Variants in SLC4A2 observed in about 807,000 individuals in gnomAD.
The protein encoded by SLC4A2 is solute carrier family 4 member 2, also known as anion exchange protein 2.
Under a neutral mutation model 115.0 loss-of-function variants are expected in SLC4A2, and 36 were observed. The observed-to-expected ratio is 0.31, with a 90% CI of 0.24 to 0.41. SLC4A2 has a LOEUF of 0.41. Ranked by LOEUF, SLC4A2 falls within the 10% of genes least tolerant of loss-of-function variation. SLC4A2 has a pLI of 1.00. For missense variants in SLC4A2, 1,252 were observed against 1,705.6 expected (o/e 0.73, Z 4.68); for synonymous variants, 708 against 708.3 (o/e 1.00, Z 0.01).
chr7:151,076,432 C>A lies in SLC4A2; in HGVS notation c.*65C>A. ...GACAGGCTGGTGGGATGGGGTTCCC[C>A]CTCCCATGCCCCTCCCTCCTTTTTA... On this transcript the variant is annotated 3_prime_UTR_variant, in exon 23 of 23. Transcript: ENST00000413384. 1.7e-6 allele frequency: 2 copies of A among 1,209,112 alleles called. No homozygotes were observed. Among genetic ancestry groups the A allele is most frequent in the South Asian group, 1.7e-5 (1 of 57,932 alleles). The allele number at this position is 1,209,112 out of a possible 1,614,324, so 74.9% of individuals were successfully genotyped here.
At position 151,075,620 on chromosome 7, in the gene SLC4A2, A is replaced by C. The variant is rs1212713488; in HGVS notation, c.3316A>C (p.Ile1106Leu). 2 of 1,594,338 alleles carry C rather than the reference A, an allele frequency of 1.3e-6. No homozygotes were observed. The highest frequency in any genetic ancestry group is 1.7e-5 in the Admixed American group (1 of 58,636). Residue 1106 changes from isoleucine (I) to leucine (L), a missense_variant, in exon 21 of 23, where the codon ATC (isoleucine) becomes CTC (leucine). By Grantham distance (5) the Ile-to-Leu change is conservative. This residue lies in a region of SLC4A2 where 253 missense variants were observed against 407.4 expected (regional missense o/e 0.62). Transcript: ENST00000413384. ...VALLVGLSIV[I>L]GDLLRQIPLA... Reference sequence around the variant, plus strand: ...GCCTCCCGTAGGCCTCTCCATAGTTATCGGGGATCTGCTCCGGCAGATCCC... The same window carrying C: ...GCCTCCCGTAGGCCTCTCCATAGTTCTCGGGGATCTGCTCCGGCAGATCCC...
intron 17 of SLC4A2, 50 bp downstream of exon 17, chr7:151,074,343 G>A (rs1261019824): frequency 1.2e-6 from 2 of 1,610,694 alleles, no homozygotes; most frequent in Admixed American, 1.7e-5. Context: ...AAGGGGGGTG[G>A]CAGGAAGTCA....
intron 2 of SLC4A2, chr7:151,063,158 G>A (rs1016202465): frequency 1.5e-5 from 23 of 1,504,966 alleles, no homozygotes; most frequent in African/African-American, 1.4e-4. Flanking sequence ...TGTGCCGGCC[G>A]GCCGCTGCTC....
intron 5 of SLC4A2, among the ~76,000 whole-genome samples, chr7:151,066,046 C>T (rs1308268364): frequency 2.6e-5 from 4 of 152,180 alleles, no homozygotes; most frequent in Admixed American, 2.6e-4. Flanking sequence ...CTTTATTCCT[C>T]TTGATTAAAC....
chr7:151,070,787 A>T lies in SLC4A2; in HGVS notation c.1625A>T (p.Glu542Val), dbSNP rs779631115. 1.2e-6 allele frequency: 2 copies of T among 1,613,802 alleles called. No homozygotes were observed. Among genetic ancestry groups the T allele is most frequent in the Non-Finnish European group, 1.7e-6 (2 of 1,179,956 alleles). Reference protein sequence around the residue: ...MAFVRLREAVELDAVLEVPVP... With the variant: ...MAFVRLREAVVLDAVLEVPVP... The stretch of plus-strand genomic sequence containing the variant: ...TTTGTGCGGCTCCGGGAGGCTGTGG[A>T]GTTGGACGCAGTGTTGGAGGTGCCG... Residue 542 changes from glutamate to valine, a missense_variant, in exon 12 of 23, where the codon GAG (glutamate) becomes GTG (valine). By Grantham distance (121) the Glu-to-Val change is moderately radical. Coordinates refer to ENST00000413384, the MANE Select transcript of SLC4A2 (RefSeq NM_003040.4).
intron 1 of SLC4A2, 66 bp from the exon 2 acceptor site, chr7:151,061,859 G>C: frequency 1.3e-6 from 1 of 792,686 alleles, no homozygotes; most frequent in East Asian, 2.7e-5. Context: ...CAGCAGCGCA[G>C]CCTGCGCGTG....
At chr7:151,066,384 C>A in intron 5 of SLC4A2, 133 bp from the exon 6 acceptor site, 1 of 1,087,826 alleles carries the variant, frequency 9.2e-7, no homozygotes, top group Non-Finnish European at 1.3e-6. Context: ...CCCGTGCCCG[C>A]ACCTCCCGGG....
intron 16 of SLC4A2, 103 bp from the exon 17 acceptor site, chr7:151,073,936 C>G: frequency 7.9e-7 from 1 of 1,262,990 alleles, no homozygotes; most frequent in Non-Finnish European, 1.1e-6. Flanking sequence ...TGAAAGCAGG[C>G]CAGCCTTTCC....
chr7:151,062,313 G>A (rs1295208621), intron 2 of SLC4A2, among the ~76,000 whole-genome samples: 1 of 152,148 alleles, frequency 6.6e-6, no homozygotes, highest in African/African-American at 2.4e-5. Flanking sequence ...TGAGAACCCT[G>A]GGTCTCTCAC....
chr7:151,069,274 C>A (rs1218361694), intron 8 of SLC4A2, among the ~76,000 whole-genome samples: 15 of 151,922 alleles, frequency 9.9e-5, no homozygotes. Context: ...GGCTTTCTCA[C>A]TGGGCGTTGT....
intron 8 of SLC4A2, 56 bp downstream of exon 8, chr7:151,068,110 A>C (rs970036323): frequency 1.5e-6 from 2 of 1,311,830 alleles, no homozygotes; most frequent in African/African-American, 3.0e-5. Context: ...ATTCTCCCAC[A>C]TGGCCCCAAA....
Position 151,072,073 on chromosome 7 carries a change from G to A in SLC4A2, c.2472G>A (p.Gln824=), listed in dbSNP as rs780493962. 2 of 1,614,100 alleles carry A rather than the reference G, an allele frequency of 1.2e-6. No individual in the cohort carries two copies. Among genetic ancestry groups the A allele is most frequent in the South Asian group, 2.2e-5 (2 of 91,078 alleles). Residue 824 remains glutamine, a synonymous_variant, in exon 16 of 23, where the codon CAG becomes CAA. Coordinates refer to ENST00000413384, the MANE Select transcript of SLC4A2 (RefSeq NM_003040.4). ...TCCGCTTCGTCTCCCGCTTCACCCA[G>A]GAGATCTTCGCCTTCTTGATCTCAC... ...FLVRFVSRFT[Q]EIFAFLISLI...
At position 151,062,031 on chromosome 7, in the gene SLC4A2, T is replaced by C. The variant is rs751878725; in HGVS notation, c.44T>C (p.Phe15Ser). ...CGCCCCGCCAAGGGCGCAGATTCTT[T>C]CTGTACGGTGAGTGTGGCCCCCAGG... The part of the protein sequence containing the change: ...PRRPAKGADS[F>S]CTPEPESLGP... The change falls in exon 2 of 23, where the codon TTC becomes TCC. Residue 15 changes from phenylalanine (F) to serine (S), a missense_variant. By Grantham distance (155) the Phe-to-Ser change is radical. Around this residue, in one of 14 missense-constraint regions of SLC4A2, gnomAD observed 74 missense variants for 85.3 expected, o/e 0.87. Transcript: ENST00000413384. The C allele has an allele frequency of 6.2e-7, 1 of 1,610,902 alleles. No individual in the cohort carries two copies. Among genetic ancestry groups the C allele is most frequent in the Non-Finnish European group, 8.5e-7 (1 of 1,179,642 alleles).
chr7:151,061,880 C>T (rs1797058766), intron 1 of SLC4A2, 45 bp from the exon 2 acceptor site: 3 of 1,052,704 alleles, frequency 2.8e-6, no homozygotes, highest in Admixed American at 2.1e-5. Flanking sequence ...GTGGCTCCTG[C>T]CCTCCCAGGG....
chr7:151,067,406 G>A (rs1237215039), intron 7 of SLC4A2, among the ~76,000 whole-genome samples: 2 of 152,202 alleles, frequency 1.3e-5, no homozygotes, highest in Non-Finnish European at 2.9e-5. Context: ...ACCTTTGGTT[G>A]TGAAGGTTGT....
At chr7:151,068,920 A>T (rs1797328696) in intron 8 of SLC4A2, among the ~76,000 whole-genome samples, 2 of 151,786 alleles carry the variant, frequency 1.3e-5, no homozygotes, top group African/African-American at 4.8e-5. Flanking sequence ...TGGGTGGATT[A>T]CGAGGTCAGG....
At chr7:151,069,158 A>AAAAAAAAAAAAAAAAAAAAAAAC (rs1324633255) in intron 8 of SLC4A2, among the ~76,000 whole-genome samples, 3 of 148,282 alleles carry the variant, frequency 2.0e-5, no homozygotes, top group Non-Finnish European at 4.5e-5. Context: ...AAAAAAAAAA[A>AAAAAAAAAAAAAAAAAAAAAAAC]AGCAGCTGAG....
At chr7:151,074,348 A>T (rs1797544201) in intron 17 of SLC4A2, 51 bp from the exon 18 acceptor site, 1 of 1,611,214 alleles carries the variant, frequency 6.2e-7, no homozygotes, top group Non-Finnish European at 8.5e-7. Context: ...GGGTGGCAGG[A>T]AGTCAGCGGC....
In SLC4A2 at chr7:151,074,102, G is replaced by A. The variant is rs775252874; in HGVS notation, c.2599G>A (p.Glu867Lys). 1.2e-6 allele frequency: 2 copies of A among 1,610,498 alleles called. No homozygotes were observed. Among genetic ancestry groups the A allele is most frequent in the African/African-American group, 1.3e-5 (1 of 75,006 alleles). The part of the protein sequence containing the change: ...ASNSSEVDGG[E>K]NMTWAGARPT... ...CAACAGCTCAGAGGTGGACGGCGGT[G>A]AGAACATGACATGGGCCGGGGCAAG... The change falls in exon 17 of 23, where the codon GAG (glutamate) becomes AAG (lysine). Residue 867 changes from glutamate to lysine, a missense_variant. Physicochemically the swap from Glu to Lys is moderately conservative, Grantham distance 56 (BLOSUM62 1). Coordinates refer to ENST00000413384, the MANE Select transcript of SLC4A2 (RefSeq NM_003040.4).
Sources: allele counts gnomAD v4.1 joint callset (sites outside exome capture counted in the v4.1 genomes callset), GRCh38; gene constraint gnomAD v4.1.1; regional missense constraint gnomAD v4.1.1; transcripts MANE v1.5; gene names NCBI Gene and HGNC (gene_info 2026-07-23, HGNC 2026-07-21).